The following NR1H4 variants were observed in gnomAD, a reference collection of about 807,000 sequenced individuals.
NR1H4 encodes the protein bile acid receptor.
A neutral mutation model predicts 58.5 loss-of-function variants in NR1H4; 23 were observed. The observed-to-expected ratio is 0.39, with a 90% confidence interval of 0.28 to 0.56. NR1H4 has a LOEUF of 0.56. NR1H4 is among the 20% of genes least tolerant of loss of function. The pLI, the probability that NR1H4 is intolerant of heterozygous loss-of-function variation, is 0.58. For missense variants in NR1H4, 487 were observed against 576.9 expected (o/e 0.84, Z 1.60); for synonymous variants, 214 against 198.0 (o/e 1.08, Z -0.68).
At chr12:100,500,100 C>A in intron 3 of NR1H4, 2 of 355,024 alleles carry the variant, frequency 5.6e-6, no homozygotes, top group Non-Finnish European at 5.6e-6. Context: ...GCTAAACATT[C>A]CATAATTAGT....
At chr12:100,533,685 A>AT (rs1954747346) in intron 5 of NR1H4, among the ~76,000 whole-genome samples, 1 of 152,214 alleles carries the variant, frequency 6.6e-6, no homozygotes, top group Admixed American at 6.5e-5. Flanking sequence ...CGCTGAGGAC[A>AT]TTTTGCATGA....
rs1411357945 is a variant in NR1H4 at position 100,493,401 on chromosome 12, T to G, written c.78T>G (p.Phe26Leu). Residue 26 changes from phenylalanine (F) to leucine (L), a missense_variant and splice_region_variant, in exon 3 of 11, where the codon TTT becomes TTG. Transcript: ENST00000392986. ...TDEFSFSENL[F>L]GVLTEQVAGP... The stretch of plus-strand genomic sequence containing the variant: ...AATTTTCTTTTTCTGAAAATTTATT[T>G]GGTAAGTTGTCAAGTTCATTTGAAT... 2.8e-6 allele frequency: 4 copies of G among 1,437,644 alleles called. No homozygotes were observed. The highest frequency in any genetic ancestry group is 3.9e-6 in the Non-Finnish European group (4 of 1,030,180). The allele number at this position is 1,437,644 out of a possible 1,614,324, so 89.1% of individuals were successfully genotyped here. A position where few individuals can be genotyped will look rare whatever the true frequency, so the allele number is the denominator to read the frequency against.
At chr12:100,486,320 C>G (rs961174150) in intron 1 of NR1H4, among the ~76,000 whole-genome samples, 2 of 152,164 alleles carry the variant, frequency 1.3e-5, no homozygotes, top group Non-Finnish European at 2.9e-5. Flanking sequence ...TGATTCCTCT[C>G]TTCTAGAAGT....
chr12:100,479,184 C>T (rs1953329300), intron 1 of NR1H4, among the ~76,000 whole-genome samples: 1 of 151,870 alleles, frequency 6.6e-6, no homozygotes, highest in Admixed American at 6.6e-5. Flanking sequence ...ATATATTTAG[C>T]TTTGTTTGTG....
At chr12:100,500,038 C>G in intron 3 of NR1H4, 1 of 439,880 alleles carries the variant, frequency 2.3e-6, no homozygotes, top group Non-Finnish European at 4.6e-6. Flanking sequence ...GGTACCATTA[C>G]TGTTCCCCTT....
chr12:100,501,013 G>A (rs558352405), intron 3 of NR1H4, among the ~76,000 whole-genome samples: 8 of 152,124 alleles, frequency 5.3e-5, no homozygotes, highest in Non-Finnish European at 4.4e-5. Context: ...ATATGAGACA[G>A]TTGATCATCT....
At chr12:100,483,684 C>T (rs115307736) in intron 1 of NR1H4, among the ~76,000 whole-genome samples, 2,660 of 152,014 alleles carry the variant, frequency 0.017, 81 homozygotes, top group African/African-American at 0.061. Flanking sequence ...TCTCTTTTTC[C>T]TTAAGAATAT....
At chr12:100,560,178 G>A in intron 9 of NR1H4, among the ~76,000 whole-genome samples, 1 of 152,200 alleles carries the variant, frequency 6.6e-6, no homozygotes, top group Admixed American at 6.5e-5. Flanking sequence ...CTCAGGGATT[G>A]TAAATGTACC....
intron 4 of NR1H4, among the ~76,000 whole-genome samples, chr12:100,528,017 CTATT>C (rs200012666): frequency 0.013 from 1,934 of 152,250 alleles, 33 homozygotes; most frequent in African/African-American, 0.044. Flanking sequence ...GAAGCTGTCT[CTATT>C]TAGGTCATCT....
In NR1H4 at chr12:100,492,650, A is replaced by G. The variant is rs1257451806; in HGVS notation, c.-55+13A>G. 1 of 152,170 alleles carries G rather than the reference A, an allele frequency of 6.6e-6. No individual in the cohort carries two copies. Among genetic ancestry groups the G allele is most frequent in the Non-Finnish European group, 1.5e-5 (1 of 68,032 alleles). 9.4% of individuals were successfully genotyped at this position (152,170 alleles called of 1,614,324 possible). On this transcript the variant is annotated intron_variant, in intron 2 of 10. Coordinates refer to ENST00000392986, the MANE Select transcript of NR1H4 (RefSeq NM_001206979.2). ...TTCAGACACTTTGGTGAGATTTACC[A>G]TTATTTTTCTTCTTACTATATCTTT...
At chr12:100,552,347 G>T (rs1391637773) in intron 9 of NR1H4, among the ~76,000 whole-genome samples, 4 of 151,870 alleles carry the variant, frequency 2.6e-5, no homozygotes, top group Non-Finnish European at 1.5e-5. Flanking sequence ...TTTTTGAATT[G>T]CTAGTTTGAT....
intron 3 of NR1H4, chr12:100,503,277 A>G (rs1953877444): frequency 1.5e-6 from 2 of 1,352,984 alleles, no homozygotes; most frequent in East Asian, 2.8e-5. Context: ...TTCCTCATAA[A>G]CATTTACAAA....
intron 4 of NR1H4, among the ~76,000 whole-genome samples, chr12:100,527,124 A>G (rs1477710750): frequency 1.3e-5 from 2 of 152,200 alleles, no homozygotes; most frequent in Non-Finnish European, 2.9e-5. Context: ...CAAATTTGTT[A>G]TGGGCTGGGC....
intron 1 of NR1H4, among the ~76,000 whole-genome samples, chr12:100,475,132 T>TCTATCTACCTAC: frequency 6.8e-6 from 1 of 147,428 alleles, no homozygotes; most frequent in East Asian, 2.0e-4. Flanking sequence ...TACCTATCTA[T>TCTATCTACCTAC]CTATCTATCT....
At chr12:100,507,525 C>T (rs947987075) in intron 3 of NR1H4, among the ~76,000 whole-genome samples, 10 of 151,986 alleles carry the variant, frequency 6.6e-5, no homozygotes, top group Admixed American at 5.2e-4. Flanking sequence ...TGCAGTGGCG[C>T]GATCTCGGCT....
intron 3 of NR1H4, among the ~76,000 whole-genome samples, chr12:100,510,484 C>A (rs1954078175): frequency 6.6e-6 from 1 of 151,556 alleles, no homozygotes; most frequent in Non-Finnish European, 1.5e-5. Context: ...TTCCTTTATC[C>A]CTTTTTCCAT....
intron 1 of NR1H4, among the ~76,000 whole-genome samples, chr12:100,485,437 C>CTGTA (rs1953470462): frequency 6.6e-6 from 1 of 152,164 alleles, no homozygotes. Context: ...TTATATCAAA[C>CTGTA]TGTATGTATT....
In NR1H4 at chr12:100,493,427, A is replaced by G. The variant is rs376199143; in HGVS notation, c.79+25A>G. The G allele has an allele frequency of 7.9e-6, 9 of 1,134,920 alleles. No homozygotes were observed. The African/African-American group carries it at 9.1e-5, about 12-fold the overall frequency. 70.3% of individuals were successfully genotyped at this position (1,134,920 alleles called of 1,614,324 possible). ...GGTAAGTTGTCAAGTTCATTTGAAT[A>G]TCAATAAGAACAAACTACGATTTGG... is the stretch of plus-strand genomic sequence containing the variant. On this transcript the variant is annotated intron_variant, in intron 3 of 10. Transcript: ENST00000392986.
At chr12:100,479,502 G>T (rs149636457) in intron 1 of NR1H4, among the ~76,000 whole-genome samples, 2 of 152,070 alleles carry the variant, frequency 1.3e-5, no homozygotes, top group African/African-American at 4.8e-5. Flanking sequence ...AACTATTTAG[G>T]GTTGCTCAGA....
Sources: gnomAD v4.1 joint callset for allele counts (sites outside exome capture counted in the v4.1 genomes callset) on GRCh38, gnomAD v4.1.1 for gene constraint, MANE v1.5 for transcripts, NCBI Gene and HGNC (gene_info 2026-07-23, HGNC 2026-07-21) for gene names.